ANKRD45: variants seen among roughly 807,000 people sequenced by gnomAD.
ANKRD45 encodes ankyrin repeat domain 45.
ANKRD45 carries 21 observed loss-of-function variants against 28.1 expected under a neutral mutation model. The observed-to-expected ratio is 0.75, with a 90% CI of 0.53 to 1.08. ANKRD45 has a LOEUF of 1.08. Among genes scored for constraint, ANKRD45 ranks in the 50% least tolerant of loss-of-function variants. The pLI is 0.00. For synonymous variants in ANKRD45, 86 were observed against 103.9 expected (o/e 0.83, Z 1.05); for missense variants, 261 against 308.7 (o/e 0.85, Z 1.16).
At chr1:173,668,847 T>G (rs1670131014) in intron 1 of ANKRD45, among the ~76,000 whole-genome samples, 1 of 152,168 alleles carries the variant, frequency 6.6e-6, no homozygotes, top group Admixed American at 6.5e-5. Context: ...ACAGAGAATA[T>G]GAGCATTGGA....
the ANKRD45 span, among the ~76,000 whole-genome samples, chr1:173,707,702 A>G: frequency 6.6e-6 from 1 of 152,154 alleles, no homozygotes; most frequent in Non-Finnish European, 1.5e-5. Context: ...TATTACCTTA[A>G]GCTTTCAAAT....
chr1:173,663,340 G>A (rs1399014585), intron 1 of ANKRD45, among the ~76,000 whole-genome samples: 2 of 152,098 alleles, frequency 1.3e-5, no homozygotes, highest in Non-Finnish European at 2.9e-5. Context: ...ATAGTATGCT[G>A]ATCAAACTGC....
chr1:173,635,972 T>C (rs1273417083), intron 3 of ANKRD45: 5 of 691,198 alleles, frequency 7.2e-6, no homozygotes, highest in Non-Finnish European at 1.2e-5. Flanking sequence ...AACTTCCCAT[T>C]CATTCCCAGC....
At chr1:173,610,672 G>A (rs1667105141) in intron 5 of ANKRD45, among the ~76,000 whole-genome samples, 1 of 151,974 alleles carries the variant, frequency 6.6e-6, no homozygotes, top group Non-Finnish European at 1.5e-5. Flanking sequence ...TGGTACTGGT[G>A]GAGAGGTGGG....
chr1:173,615,398 A>T (rs1260986273), intron 5 of ANKRD45, among the ~76,000 whole-genome samples: 1 of 151,648 alleles, frequency 6.6e-6, no homozygotes, highest in Non-Finnish European at 1.5e-5. Flanking sequence ...AAAAAAAAAA[A>T]AAAAAATGCC....
chr1:173,635,955 T>C (rs1315460893), intron 3 of ANKRD45: 9 of 756,818 alleles, frequency 1.2e-5, no homozygotes, highest in Non-Finnish European at 1.5e-5. Context: ...CATTGTAACC[T>C]TCCCCCAACT....
At chr1:173,611,727 G>A (rs1238677647) in intron 5 of ANKRD45, among the ~76,000 whole-genome samples, 1 of 151,946 alleles carries the variant, frequency 6.6e-6, no homozygotes, top group African/African-American at 2.4e-5. Flanking sequence ...CCTTGGATTG[G>A]CAATGGTTTC....
At chr1:173,630,858 CA>C (rs1461595971) in intron 3 of ANKRD45, among the ~76,000 whole-genome samples, 1 of 97,586 alleles carries the variant, frequency 1.0e-5, no homozygotes, top group Non-Finnish European at 2.3e-5. Flanking sequence ...GAGAGAGACA[CA>C]AAAAATAAAA....
intron 5 of ANKRD45, among the ~76,000 whole-genome samples, chr1:173,623,790 C>G (rs180912012): frequency 6.6e-6 from 1 of 152,022 alleles, no homozygotes; most frequent in African/African-American, 2.4e-5. Flanking sequence ...TAAAAAGGAA[C>G]GAGACCATGT....
intron 5 of ANKRD45, among the ~76,000 whole-genome samples, chr1:173,614,954 T>A (rs966976154): frequency 9.2e-5 from 14 of 152,000 alleles, no homozygotes; most frequent in Non-Finnish European, 1.9e-4. Flanking sequence ...GCAGCTGCAA[T>A]GACAGGTGCA....
intron 1 of ANKRD45, among the ~76,000 whole-genome samples, chr1:173,664,030 T>C (rs774985614): frequency 1.3e-5 from 2 of 152,112 alleles, no homozygotes; most frequent in Non-Finnish European, 2.9e-5. Context: ...TAAAGCTGGG[T>C]GCCACCTACT....
At chr1:173,682,684 T>TATACACACACAC in the ANKRD45 span, among the ~76,000 whole-genome samples, 14 of 143,940 alleles carry the variant, frequency 9.7e-5, no homozygotes, top group African/African-American at 3.7e-4. Flanking sequence ...GCCTTTTAAA[T>TATACACACACAC]ACACACACAC....
rs144269927 is a variant in ANKRD45, at chr1:173,630,976, A to C, written c.497-3817T>G. 4.7e-3 allele frequency among the ~76,000 whole-genome samples: 710 copies of C among 152,178 alleles called. 5 individuals are homozygous for C. The highest frequency in any genetic ancestry group is 0.016 in the African/African-American group (677 of 41,528). On this transcript the variant is annotated intron_variant, in intron 3 of 5. Transcript: ENST00000333279. ...TGGCAGGAATAAGTCCTTACTTATC[A>C]ATAATAACACTGAATGTAAATGGAC...
intron 5 of ANKRD45, among the ~76,000 whole-genome samples, chr1:173,623,232 G>A (rs1331645350): frequency 6.6e-6 from 1 of 151,566 alleles, no homozygotes; most frequent in Non-Finnish European, 1.5e-5. Context: ...AGAATCGCTT[G>A]AACCCAGGAG....
At chr1:173,682,042 C>G in the ANKRD45 span, among the ~76,000 whole-genome samples, 1 of 145,016 alleles carries the variant, frequency 6.9e-6, no homozygotes, top group East Asian at 2.0e-4. Context: ...GAGTGAGACT[C>G]TGTCTCAAAA....
chr1:173,701,990 T>G, the ANKRD45 span, among the ~76,000 whole-genome samples: 2 of 152,036 alleles, frequency 1.3e-5, no homozygotes, highest in Non-Finnish European at 2.9e-5. Flanking sequence ...GTAATGGCAT[T>G]CAAAAGAAAC....
chr1:173,619,332 A>T (rs1003259709), intron 5 of ANKRD45, among the ~76,000 whole-genome samples: 7 of 152,224 alleles, frequency 4.6e-5, no homozygotes, highest in African/African-American at 1.4e-4. Flanking sequence ...CAATTAAGAG[A>T]CACAGAATGG....
At chr1:173,694,210 C>G in the ANKRD45 span, among the ~76,000 whole-genome samples, 1 of 152,058 alleles carries the variant, frequency 6.6e-6, no homozygotes, top group Non-Finnish European at 1.5e-5. Flanking sequence ...GTCACCCAGG[C>G]TGGAGTGCAG....
chr1:173,693,294 C>CA, the ANKRD45 span, among the ~76,000 whole-genome samples: 1,432 of 141,736 alleles, frequency 0.01, 18 homozygotes, highest in African/African-American at 0.032. Context: ...GACTCCACCT[C>CA]AAAAAAAAAA....
Sources: gnomAD v4.1 joint callset for allele counts (sites outside exome capture counted in the v4.1 genomes callset) on GRCh38, gnomAD v4.1.1 for gene constraint, MANE v1.5 for transcripts, NCBI Gene and HGNC (gene_info 2026-07-23, HGNC 2026-07-21) for gene names.